PLA2G4B: variants seen among roughly 807,000 people sequenced by gnomAD.
PLA2G4B encodes the protein phospholipase A2 group IVB, also known as cytosolic phospholipase A2 beta.
In PLA2G4B, 122 loss-of-function variants were observed where a neutral mutation model predicts 95.8. The ratio of observed to expected loss-of-function variants is 1.27; its 90% CI spans 1.10 to 1.48. The LOEUF (loss-of-function observed/expected upper bound fraction) is 1.48. Ranked by LOEUF, PLA2G4B falls within the 40% of genes most tolerant of loss-of-function variation. The pLI, the probability that PLA2G4B is intolerant of heterozygous loss-of-function variation, is 0.00. For missense variants in PLA2G4B, 1,158 were observed against 996.2 expected (o/e 1.16, Z -2.19); for synonymous variants, 518 against 421.5 (o/e 1.23, Z -2.80).
At chr15:41,840,083 C>T (rs950280922) in intron 1 of PLA2G4B, 75 bp from the exon 2 acceptor site, 8 of 1,549,162 alleles carry the variant, frequency 5.2e-6, no homozygotes, top group East Asian at 2.3e-5. Flanking sequence ...AGGCACTGCT[C>T]CAGCCTCCTT....
At chr15:41,842,059 C>T in intron 8 of PLA2G4B, 110 bp downstream of exon 8, 1 of 1,559,650 alleles carries the variant, frequency 6.4e-7, no homozygotes, top group Admixed American at 1.8e-5. Context: ...ACCCTGGCAG[C>T]ATGTGTGGGC....
At chr15:41,842,737 CACGAAGTACTGG>C in intron 10 of PLA2G4B, 146 bp downstream of exon 10, 2 of 1,260,920 alleles carry the variant, frequency 1.6e-6, no homozygotes, top group Non-Finnish European at 2.2e-6. Flanking sequence ...CTCGAGGGGG[CACGAAGTACTGG>C]GAGGAGTACT....
At chr15:41,845,437 T>C in intron 14 of PLA2G4B, 117 bp downstream of exon 14, 1 of 1,470,620 alleles carries the variant, frequency 6.8e-7, no homozygotes, top group Non-Finnish European at 9.2e-7. Flanking sequence ...GGTCCCGTGC[T>C]TTCTGGAGAC....
In PLA2G4B at chr15:41,840,550, C is replaced by T. The variant is rs1246302972; in HGVS notation, c.109C>T (p.Leu37Phe). Residue 37 changes from leucine to phenylalanine, a missense_variant, in exon 3 of 20, where the codon CTC becomes TTC. Physicochemically the swap from Leu to Phe is conservative, Grantham distance 22 (BLOSUM62 0). Coordinates refer to ENST00000458483, the MANE Select transcript of PLA2G4B (RefSeq NM_001114633.2). ...LVTPSDCYVT[L>F]WLPTACSHRL... ...GACCCCCTCTGACTGCTACGTGACTCTCTGGCTGCCCACGGCCTGCAGCCA... is the reference window on the plus strand; with the variant it reads ...GACCCCCTCTGACTGCTACGTGACTTTCTGGCTGCCCACGGCCTGCAGCCA... The T allele has an allele frequency of 6.2e-7, 1 of 1,613,774 alleles. No individual in the cohort carries two copies. Among genetic ancestry groups the T allele is most frequent in the African/African-American group, 1.3e-5 (1 of 74,924 alleles).
At position 41,847,257 on chromosome 15, in the gene PLA2G4B, C is replaced by G. The variant is rs979671172; in HGVS notation, c.1948-80C>G. On this transcript the variant is annotated intron_variant, in intron 18 of 19. Coordinates refer to ENST00000458483, the MANE Select transcript of PLA2G4B (RefSeq NM_001114633.2). ...CCGTTTTGGCATTTGAGCCCCAGGTCCTGTGCATCTTACGTCAGCCCCAGT... is the reference window on the plus strand; with the variant it reads ...CCGTTTTGGCATTTGAGCCCCAGGTGCTGTGCATCTTACGTCAGCCCCAGT... The G allele has an allele frequency of 5.3e-6, 8 of 1,508,900 alleles. No individual in the cohort carries two copies. In the Admixed American group the frequency reaches 1.7e-4, roughly 32 times the overall value. The allele number at this position is 1,508,900 out of a possible 1,614,324, so 93.5% of individuals were successfully genotyped here.
Position 41,844,486 on chromosome 15 carries a change from A to G in PLA2G4B, c.895A>G (p.Ile299Val). Residue 299 changes from isoleucine to valine, a missense_variant, in exon 12 of 20, where the codon ATT (isoleucine) becomes GTT (valine). Transcript: ENST00000458483. ...TCTTTTCCAGATCCCAGTGGTAGCT[A>G]TTATGGCCACTGGTGGTGGGATCCG... is the stretch of plus-strand genomic sequence containing the variant. Reference protein sequence around the residue: ...LQEDEIPVVAIMATGGGIRAM... With the variant: ...LQEDEIPVVAVMATGGGIRAM... 2 of 1,614,064 alleles carry G rather than the reference A, an allele frequency of 1.2e-6. No individual in the cohort carries two copies. The highest frequency in any genetic ancestry group is 8.5e-7 in the Non-Finnish European group (1 of 1,180,000).
Position 41,846,402 on chromosome 15 carries a change from G to A in PLA2G4B, c.1780+20G>A, listed in dbSNP as rs762624890. ...GGAAAGGTACCTGCTTCTCTCCAAAGTCCTCCTGTGGCCACCTGAGCCTTG... is the reference window on the plus strand; with the variant it reads ...GGAAAGGTACCTGCTTCTCTCCAAAATCCTCCTGTGGCCACCTGAGCCTTG... On this transcript the variant is annotated intron_variant, in intron 17 of 19. Transcript: ENST00000458483. 3 of 1,592,094 alleles carry A rather than the reference G, an allele frequency of 1.9e-6. No individual in the cohort carries two copies. The highest frequency in any genetic ancestry group is 2.6e-6 in the Non-Finnish European group (3 of 1,163,752).
chr15:41,847,567 A>C (rs767057342), intron 19 of PLA2G4B, 44 bp downstream of exon 19: 1 of 1,604,910 alleles, frequency 6.2e-7, no homozygotes, highest in Non-Finnish European at 8.5e-7. Flanking sequence ...CCAGTCCCCC[A>C]CACCTCCTCC....
At chr15:41,847,603 CTTCCCCACAACGTG>C (rs576530907) in intron 19 of PLA2G4B, 32 bp from the exon 20 acceptor site, 56 of 1,612,584 alleles carry the variant, frequency 3.5e-5, no homozygotes, top group East Asian at 2.9e-4. Context: ...CCAAACCTGT[CTTCCCCACAACGTG>C]TTCCCCATGC....
rs368220685 is a variant in PLA2G4B, at chr15:41,844,476, A to G, written c.885A>G (p.Pro295=). ...CTGGCTCTCTTCTTTTCCAGATCCCAGTGGTAGCTATTATGGCCACTGGTG... is the reference window on the plus strand; with the variant it reads ...CTGGCTCTCTTCTTTTCCAGATCCCGGTGGTAGCTATTATGGCCACTGGTG... ...LDGDLQEDEI[P]VVAIMATGGG... The change falls in exon 12 of 20, where the codon CCA becomes CCG. Residue 295 remains proline, a synonymous_variant. Transcript: ENST00000458483. 34 of 1,613,918 alleles carry G rather than the reference A, an allele frequency of 2.1e-5. No homozygotes were observed. The African/African-American group carries it at 3.7e-4, about 18-fold the overall frequency.
In PLA2G4B at chr15:41,846,754, C is replaced by T. The variant is rs1453722001; in HGVS notation, c.1866C>T (p.Thr622=). 2 of 1,614,058 alleles carry T rather than the reference C, an allele frequency of 1.2e-6. No individual in the cohort carries two copies. The highest frequency in any genetic ancestry group is 1.1e-5 in the South Asian group (1 of 91,078). Residue 622 remains threonine, a synonymous_variant, in exon 18 of 20, where the codon ACC becomes ACT. Transcript: ENST00000458483. Reference sequence around the variant, plus strand: ...TGGATGTTGGCTACCTCATCAATACCAGCTGCCTGCCCCTCCTGCAGCCCA... The same window carrying T: ...TGGATGTTGGCTACCTCATCAATACTAGCTGCCTGCCCCTCCTGCAGCCCA... ...CLLDVGYLIN[T]SCLPLLQPTR...
chr15:41,846,101 C>A, intron 16 of PLA2G4B, 54 bp downstream of exon 16: 1 of 1,572,826 alleles, frequency 6.4e-7, no homozygotes, highest in Middle Eastern at 1.7e-4. Context: ...GCTGGGGCTG[C>A]ACCAGGGGGC....
At chr15:41,846,872 G>T in intron 18 of PLA2G4B, 37 bp downstream of exon 18, 1 of 1,580,878 alleles carries the variant, frequency 6.3e-7, no homozygotes, top group South Asian at 1.2e-5. Flanking sequence ...GGAGGCGGTG[G>T]GTGGCCCCTG....
At chr15:41,840,412 TC>T (rs2065405211) in intron 2 of PLA2G4B, 111 bp from the exon 3 acceptor site, 15 of 1,592,686 alleles carry the variant, frequency 9.4e-6, no homozygotes, top group Admixed American at 1.7e-5. Context: ...GGCCCCCACT[TC>T]CCCTCCCCCT....
intron 1 of PLA2G4B, 150 bp downstream of exon 1, chr15:41,839,072 A>G: frequency 3.4e-6 from 2 of 589,404 alleles, no homozygotes; most frequent in Non-Finnish European, 5.9e-6. Flanking sequence ...GGCAGAAGCC[A>G]GGGGAGGAGG....
At position 41,843,708 on chromosome 15, in the gene PLA2G4B, G is replaced by A. The variant is rs752867348; in HGVS notation, c.776G>A (p.Gly259Glu). The change falls in exon 11 of 20, where the codon GGG becomes GAG. Residue 259 changes from glycine (G) to glutamate (E), a missense_variant. Gly to Glu is a moderately conservative substitution (Grantham distance 98, BLOSUM62 -2). Coordinates refer to ENST00000458483, the MANE Select transcript of PLA2G4B (RefSeq NM_001114633.2). ...GAGCTGGCCGTGCGACTGGGCTTCG[G>A]GCCCTGTGCAGAGGAGCAGGCCTTC... ...LRELAVRLGF[G>E]PCAEEQAFLS... The A allele has an allele frequency of 6.2e-7, 1 of 1,613,870 alleles. No individual in the cohort carries two copies. Among genetic ancestry groups the A allele is most frequent in the African/African-American group, 1.3e-5 (1 of 75,040 alleles).
chr15:41,845,299 C>T lies in PLA2G4B; in HGVS notation c.1336C>T (p.Leu446=). 6.2e-7 allele frequency: 1 copy of T among 1,614,120 alleles called. No homozygotes were observed. The highest frequency in any genetic ancestry group is 8.5e-7 in the Non-Finnish European group (1 of 1,179,974). ...YCALNTKGQS[L]TTFEFGEWCE... is the part of the protein sequence containing the mutation. ...TGCCCTCAACACCAAAGGGCAGAGC[C>T]TGACCACTTTTGAATTTGGGGGTGA... Residue 446 remains leucine (L), a synonymous_variant, in exon 14 of 20, where the codon CTG becomes TTG. Transcript: ENST00000458483.
intron 2 of PLA2G4B, 52 bp from the exon 3 acceptor site, chr15:41,840,472 G>A: frequency 6.2e-7 from 1 of 1,611,378 alleles, no homozygotes; most frequent in Non-Finnish European, 8.5e-7. Flanking sequence ...AGTGGGTCTG[G>A]GCGGCTGGGA....
At chr15:41,841,318 C>T (rs1221237970) in intron 6 of PLA2G4B, 45 bp downstream of exon 6, 3 of 1,611,426 alleles carry the variant, frequency 1.9e-6, no homozygotes, top group African/African-American at 1.3e-5. Flanking sequence ...GTCCCCGGGA[C>T]TCCCTCATGC....
Sources: allele counts gnomAD v4.1 joint callset, GRCh38; gene constraint gnomAD v4.1.1; transcripts MANE v1.5; gene names NCBI Gene and HGNC (gene_info 2026-07-23, HGNC 2026-07-21).